The following ASIC2 variants were observed in gnomAD, a reference collection of about 807,000 sequenced individuals.
The protein encoded by ASIC2 is acid-sensing ion channel 2.
Under a neutral mutation model 57.3 loss-of-function variants are expected in ASIC2, and 25 were observed. The ratio of observed to expected loss-of-function variants is 0.44; its 90% CI spans 0.32 to 0.61. The LOEUF (loss-of-function observed/expected upper bound fraction) is 0.61, where lower values mean the gene tolerates loss of function less well. Among genes scored for constraint, ASIC2 ranks in the 20% least tolerant of loss-of-function variants. The pLI is 0.06. For missense variants in ASIC2, 641 were observed against 738.1 expected (o/e 0.87, Z 1.52); for synonymous variants, 319 against 307.5 (o/e 1.04, Z -0.39).
intron 1 of ASIC2, among the ~76,000 whole-genome samples, chr17:34,149,109 C>A (rs983576594): frequency 3.4e-5 from 4 of 118,906 alleles, no homozygotes; most frequent in Admixed American, 3.1e-4. Flanking sequence ...TCTTTTTTTT[C>A]TTTTCTTTTT....
chr17:33,305,552 A>C (rs8076006), intron 1 of ASIC2, among the ~76,000 whole-genome samples: 4,973 of 152,308 alleles, frequency 0.033, 276 homozygotes, highest in African/African-American at 0.11. Flanking sequence ...AAAAAACATA[A>C]AAAAGATGTT....
chr17:33,225,796 G>C (rs1190113946), intron 1 of ASIC2, among the ~76,000 whole-genome samples: 1 of 152,200 alleles, frequency 6.6e-6, no homozygotes, highest in Non-Finnish European at 1.5e-5. Flanking sequence ...CCAGCAGCCA[G>C]GAAAGGTGAG....
intron 1 of ASIC2, among the ~76,000 whole-genome samples, chr17:33,419,016 G>C (rs1252260103): frequency 6.6e-6 from 1 of 152,116 alleles, no homozygotes; most frequent in African/African-American, 2.4e-5. Flanking sequence ...ATGGGCTGAT[G>C]GGTGCAGCAA....
chr17:33,564,276 C>T (rs190071969), intron 1 of ASIC2, among the ~76,000 whole-genome samples: 1 of 152,314 alleles, frequency 6.6e-6, no homozygotes, highest in African/African-American at 2.4e-5. Context: ...TAAAGAAAAC[C>T]TCAATATTGA....
chr17:33,765,002 G>A lies in ASIC2; in HGVS notation c.555+390976C>T, dbSNP rs368498427. ...ATCTAGCCATCATCATCCAGCACCC[G>A]TGTCAGCACCCTTGCTCTTCTCCTA... On this transcript the variant is annotated intron_variant, in intron 1 of 9. Coordinates refer to the ASIC2 transcript ENST00000359872. Among the ~76,000 whole-genome samples, 400 of 151,462 alleles carry A rather than the reference G, an allele frequency of 2.6e-3. 4 individuals carry two copies. The highest frequency in any genetic ancestry group is 9.4e-3 in the African/African-American group (384 of 40,780).
intron 1 of ASIC2, among the ~76,000 whole-genome samples, chr17:33,392,228 T>C (rs1222101802): frequency 9.3e-6 from 1 of 107,140 alleles, no homozygotes; most frequent in African/African-American, 3.4e-5. Context: ...CCTTCCTTCC[T>C]TCCTTCCTTC....
At chr17:33,801,393 T>A (rs1184853793) in intron 1 of ASIC2, among the ~76,000 whole-genome samples, 1 of 152,290 alleles carries the variant, frequency 6.6e-6, no homozygotes, top group East Asian at 1.9e-4. Context: ...AGCTTCTAAA[T>A]ACCCTGCTTG....
At chr17:33,641,264 A>G (rs1012859239) in intron 1 of ASIC2, among the ~76,000 whole-genome samples, 2 of 152,174 alleles carry the variant, frequency 1.3e-5, no homozygotes, top group Non-Finnish European at 2.9e-5. Context: ...CAGGGCTGAG[A>G]GAGGAAAGCT....
intron 1 of ASIC2, among the ~76,000 whole-genome samples, chr17:33,755,936 A>T (rs1194151521): frequency 6.6e-6 from 1 of 152,202 alleles, no homozygotes; most frequent in Non-Finnish European, 1.5e-5. Flanking sequence ...CAACATGGTG[A>T]TGGATGATAA....
chr17:33,986,951 A>T (rs1597963431), intron 1 of ASIC2, among the ~76,000 whole-genome samples: 1 of 152,204 alleles, frequency 6.6e-6, no homozygotes, highest in African/African-American at 2.4e-5. Flanking sequence ...GTGTCTGTCC[A>T]GAGTGTCTCC....
chr17:33,782,652 C>G (rs1911490921), intron 1 of ASIC2, among the ~76,000 whole-genome samples: 1 of 152,106 alleles, frequency 6.6e-6, no homozygotes, highest in African/African-American at 2.4e-5. Flanking sequence ...TTGCCTGAGC[C>G]TGGGAAGTCG....
chr17:33,959,788 T>C (rs4794982), intron 1 of ASIC2, among the ~76,000 whole-genome samples: 23,249 of 152,208 alleles, frequency 0.15, 2,300 homozygotes, highest in East Asian at 0.33. Context: ...AATGTTAATC[T>C]CCTTTGGCAA....
intron 1 of ASIC2, among the ~76,000 whole-genome samples, chr17:33,662,945 C>T (rs139085695): frequency 4.3e-4 from 65 of 152,160 alleles, no homozygotes; most frequent in African/African-American, 1.3e-3. Context: ...GTATTCAACC[C>T]GGGTAGTAGT....
intron 1 of ASIC2, among the ~76,000 whole-genome samples, chr17:33,698,380 C>A (rs1296299427): frequency 1.3e-5 from 2 of 152,098 alleles, no homozygotes; most frequent in African/African-American, 2.4e-5. Flanking sequence ...TTCATGAATT[C>A]ATGTGTGTGA....
intron 1 of ASIC2, among the ~76,000 whole-genome samples, chr17:33,511,104 G>T (rs1440076741): frequency 6.6e-6 from 1 of 151,236 alleles, no homozygotes; most frequent in African/African-American, 2.4e-5. Context: ...TCACAGACGG[G>T]TGCCCACCCC....
chr17:33,616,967 C>T (rs1344809220), intron 1 of ASIC2, among the ~76,000 whole-genome samples: 1 of 152,236 alleles, frequency 6.6e-6, no homozygotes, highest in Non-Finnish European at 1.5e-5. Context: ...TCTCTGACCT[C>T]TTTCCTCGGC....
chr17:33,540,148 C>T (rs1370184294), intron 1 of ASIC2, among the ~76,000 whole-genome samples: 2 of 152,242 alleles, frequency 1.3e-5, no homozygotes, highest in South Asian at 4.2e-4. Context: ...AGCATCTGTT[C>T]CAGGCCTCTC....
chr17:33,450,226 A>G (rs1448393147), intron 1 of ASIC2, among the ~76,000 whole-genome samples: 1 of 152,278 alleles, frequency 6.6e-6, no homozygotes. Context: ...CTCCGTATAC[A>G]TGCAGAAAAT....
intron 1 of ASIC2, among the ~76,000 whole-genome samples, chr17:33,856,508 T>C (rs317347): frequency 1.9e-4 from 4 of 20,928 alleles, no homozygotes; most frequent in Non-Finnish European, 2.3e-4. Context: ...TTGTCAGTAG[T>C]AGTGGTGGTG....
Sources: gnomAD v4.1 joint callset for allele counts (sites outside exome capture counted in the v4.1 genomes callset) on GRCh38, gnomAD v4.1.1 for gene constraint, MANE v1.5 for transcripts, NCBI Gene and HGNC (gene_info 2026-07-23, HGNC 2026-07-21) for gene names.